Variants in UBE2E1 observed in about 807,000 individuals in gnomAD.
UBE2E1 encodes ubiquitin-conjugating enzyme E2 E1.
A neutral mutation model predicts 21.4 loss-of-function variants in UBE2E1; 6 were observed. The observed-to-expected ratio is 0.28, with a 90% CI of 0.15 to 0.55. The LOEUF is 0.55. UBE2E1 is among the 20% of genes least tolerant of loss of function. The pLI is 0.93. For missense variants in UBE2E1, 142 were observed against 236.5 expected, an observed-to-expected ratio of 0.60 and a Z score of 2.62; for synonymous variants, 87 against 82.7, an observed-to-expected ratio of 1.05 and a Z score of -0.28.
At chr3:23,864,227 G>A (rs1178044768) in intron 3 of UBE2E1, among the ~76,000 whole-genome samples, 1 of 152,090 alleles carries the variant, frequency 6.6e-6, no homozygotes, top group African/African-American at 2.4e-5. Flanking sequence ...TCTGAAGCCC[G>A]CTGATTTGGG....
intron 3 of UBE2E1, among the ~76,000 whole-genome samples, chr3:23,885,050 A>T (rs762535391): frequency 1.3e-5 from 2 of 152,184 alleles, no homozygotes; most frequent in Non-Finnish European, 2.9e-5. Flanking sequence ...AAACAACAGA[A>T]GTTTATTTCT....
intron 3 of UBE2E1, among the ~76,000 whole-genome samples, chr3:23,832,103 G>A (rs1425158600): frequency 6.6e-6 from 1 of 152,210 alleles, no homozygotes; most frequent in Non-Finnish European, 1.5e-5. Context: ...GTGAGCATAT[G>A]GATCATGTCA....
intron 3 of UBE2E1, among the ~76,000 whole-genome samples, chr3:23,844,482 C>T (rs900351498): frequency 1.3e-5 from 2 of 152,140 alleles, no homozygotes; most frequent in Non-Finnish European, 2.9e-5. Context: ...AAGACCAGAT[C>T]GTTTCCAGCT....
chr3:23,812,394 G>GT (rs1332465688), intron 3 of UBE2E1, among the ~76,000 whole-genome samples: 1 of 152,218 alleles, frequency 6.6e-6, no homozygotes, highest in African/African-American at 2.4e-5. Flanking sequence ...AGGAGTAGAA[G>GT]TTACTGACAA....
chr3:23,812,740 G>C (rs1313346147), intron 3 of UBE2E1, among the ~76,000 whole-genome samples: 1 of 152,104 alleles, frequency 6.6e-6, no homozygotes, highest in Non-Finnish European at 1.5e-5. Flanking sequence ...ATAAGACTTA[G>C]GCCTAACTCA....
rs1457505929 is a variant in UBE2E1, at chr3:23,842,351, G to A, written c.203+30841G>A. 6.6e-6 allele frequency among the ~76,000 whole-genome samples: 1 copy of A among 151,956 alleles called. No homozygotes were observed. Among genetic ancestry groups the A allele is most frequent in the African/African-American group, 2.4e-5 (1 of 41,376 alleles). On this transcript the variant is annotated intron_variant, in intron 3 of 5. Transcript: ENST00000306627. This position sits in a 1 kb window ranked among gnomAD's most constrained non-coding sequence, Gnocchi z 4.6. The stretch of plus-strand genomic sequence containing the variant: ...AGCCTCAACCTCATGGGCTCAGGCA[G>A]TCCTCCCACCTCGCCTCCTGAGTAG...
intron 3 of UBE2E1, among the ~76,000 whole-genome samples, chr3:23,864,517 G>A (rs1332035759): frequency 6.6e-6 from 1 of 152,016 alleles, no homozygotes; most frequent in Non-Finnish European, 1.5e-5. Context: ...CTTTTATTGA[G>A]TTTTTGAAAT....
rs777735615 is a variant in UBE2E1 at position 23,811,473 on chromosome 3, C to G, written c.166C>G (p.Leu56Val). The change falls in exon 3 of 6, where the codon CTG becomes GTG. Residue 56 changes from leucine to valine, a missense_variant. This residue lies in a region of UBE2E1 where 87 missense variants were observed against 184.9 expected (regional missense o/e 0.47). Transcript: ENST00000306627. ...STSAKRIQKE[L>V]ADITLDPPPN... ...CTCCCACTCCAGAATTCAGAAGGAGCTGGCGGACATCACTTTAGACCCTCC... is the reference window on the plus strand; with the variant it reads ...CTCCCACTCCAGAATTCAGAAGGAGGTGGCGGACATCACTTTAGACCCTCC... 6.2e-7 allele frequency: 1 copy of G among 1,614,206 alleles called. No homozygotes were observed. Among genetic ancestry groups the G allele is most frequent in the Non-Finnish European group, 8.5e-7 (1 of 1,180,034 alleles).
intron 3 of UBE2E1, among the ~76,000 whole-genome samples, chr3:23,827,206 C>T (rs905464744): frequency 4.6e-5 from 7 of 151,952 alleles, no homozygotes; most frequent in South Asian, 2.1e-4. Context: ...AAAAAAAATC[C>T]TGTATTTTAT....
chr3:23,851,571 A>G (rs1700325468), intron 3 of UBE2E1, among the ~76,000 whole-genome samples: 1 of 152,140 alleles, frequency 6.6e-6, no homozygotes, highest in South Asian at 2.1e-4. Flanking sequence ...TGAGAGACCA[A>G]GGTGGAAAGA....
intron 3 of UBE2E1, among the ~76,000 whole-genome samples, chr3:23,875,211 A>G (rs1700889866): frequency 6.6e-6 from 1 of 152,234 alleles, no homozygotes; most frequent in South Asian, 2.1e-4. Context: ...TGAATGACTA[A>G]CTGGGCAAGA....
intron 3 of UBE2E1, among the ~76,000 whole-genome samples, chr3:23,847,327 G>A (rs1161660201): frequency 1.3e-5 from 2 of 151,974 alleles, no homozygotes; most frequent in East Asian, 1.9e-4. Flanking sequence ...TCAGTAGTAC[G>A]TAGTGAAAAG....
intron 3 of UBE2E1, among the ~76,000 whole-genome samples, chr3:23,818,829 G>A (rs999383467): frequency 6.6e-6 from 1 of 152,208 alleles, no homozygotes; most frequent in Non-Finnish European, 1.5e-5. Context: ...GATGGGAAAT[G>A]AAGAGGACTT....
chr3:23,825,444 A>C (rs1699736873), intron 3 of UBE2E1, among the ~76,000 whole-genome samples: 1 of 152,226 alleles, frequency 6.6e-6, no homozygotes, highest in Non-Finnish European at 1.5e-5. Flanking sequence ...GGTACTGAAG[A>C]TACAGCAGCA....
intron 3 of UBE2E1, among the ~76,000 whole-genome samples, chr3:23,869,397 A>G (rs1436602797): frequency 6.9e-5 from 7 of 101,982 alleles, no homozygotes; most frequent in Non-Finnish European, 1.2e-4. Flanking sequence ...ATTTTTATGT[A>G]GTCAGATCTG....
chr3:23,858,671 T>G (rs72627032), intron 3 of UBE2E1, among the ~76,000 whole-genome samples: 2 of 152,100 alleles, frequency 1.3e-5, no homozygotes, highest in African/African-American at 4.8e-5. Context: ...AAATTAAAAT[T>G]TATGAAAAAA....
chr3:23,812,610 GA>G (rs1209126708), intron 3 of UBE2E1, among the ~76,000 whole-genome samples: 1 of 152,202 alleles, frequency 6.6e-6, no homozygotes, highest in Non-Finnish European at 1.5e-5. Flanking sequence ...GTTTTGTAAG[GA>G]AAGTCATTTT....
At chr3:23,872,694 T>C (rs1476232515) in intron 3 of UBE2E1, among the ~76,000 whole-genome samples, 1 of 152,190 alleles carries the variant, frequency 6.6e-6, no homozygotes, top group Non-Finnish European at 1.5e-5. Flanking sequence ...TTAATATAAA[T>C]AACATTTTAA....
intron 3 of UBE2E1, among the ~76,000 whole-genome samples, chr3:23,840,951 G>T (rs1410293999): frequency 6.6e-6 from 1 of 152,102 alleles, no homozygotes; most frequent in Non-Finnish European, 1.5e-5. Flanking sequence ...TATTTTGTCA[G>T]TTTTTTTGTT....
Sources: gnomAD v4.1 joint callset for allele counts (sites outside exome capture counted in the v4.1 genomes callset) on GRCh38, gnomAD v4.1.1 for gene constraint, gnomAD v4.1.1 regional missense constraint, Gnocchi (gnomAD v3.1) non-coding constraint, MANE v1.5 for transcripts, NCBI Gene and HGNC (gene_info 2026-07-23, HGNC 2026-07-21) for gene names.